TGM4: variants seen among roughly 807,000 people sequenced by gnomAD.
The protein encoded by TGM4 is transglutaminase 4.
TGM4 carries 61 observed loss-of-function variants against 76.3 expected under a neutral mutation model. That is an observed-to-expected ratio of 0.80 (90% CI 0.65 to 0.99). TGM4 has a LOEUF of 0.99. Ranked by LOEUF, TGM4 falls within the 50% of genes least tolerant of loss-of-function variation. The probability of loss-of-function intolerance (pLI) is 0.00; values close to 1 mark genes in which losing one functional copy is unlikely to be tolerated. For synonymous variants in TGM4, 337 were observed against 329.8 expected (o/e 1.02, Z -0.24); for missense variants, 794 against 843.2 (o/e 0.94, Z 0.72).
At chr3:44,885,836 G>A (rs1424095503) in intron 2 of TGM4, among the ~76,000 whole-genome samples, 2 of 152,162 alleles carry the variant, frequency 1.3e-5, no homozygotes, top group Non-Finnish European at 2.9e-5. Context: ...ATGCCATAGC[G>A]GGGTGGGCTG....
At chr3:44,889,757 TG>T (rs1256844316) in intron 3 of TGM4, among the ~76,000 whole-genome samples, 1 of 152,226 alleles carries the variant, frequency 6.6e-6, no homozygotes, top group Non-Finnish European at 1.5e-5. Flanking sequence ...AATGGCCTTC[TG>T]GGACTCTGGC....
At position 44,907,133 on chromosome 3, in the gene TGM4, C is replaced by A. The variant is rs1275478882; in HGVS notation, c.1260C>A (p.Asn420Lys). 8 of 1,614,050 alleles carry A rather than the reference C, an allele frequency of 5.0e-6. 1 individual carries two copies. In the South Asian group the frequency reaches 8.8e-5, roughly 18 times the overall value. Reference sequence around the variant, plus strand: ...TGGAGACCACAAGCATCGGGAAAAACATCAGCACCAAGGCAGTGGGCCAAG... The same window carrying A: ...TGGAGACCACAAGCATCGGGAAAAAAATCAGCACCAAGGCAGTGGGCCAAG... ...ISMETTSIGK[N>K]ISTKAVGQDR... The change falls in exon 10 of 14, where the codon AAC becomes AAA. Residue 420 changes from asparagine (N) to lysine (K), a missense_variant. By Grantham distance (94) the Asn-to-Lys change is moderately conservative. Transcript: ENST00000296125.
At chr3:44,878,611 T>A (rs1472037081) in intron 1 of TGM4, among the ~76,000 whole-genome samples, 1 of 151,930 alleles carries the variant, frequency 6.6e-6, no homozygotes, top group African/African-American at 2.4e-5. Flanking sequence ...GCCTCCTGAA[T>A]AGCTGGGATT....
intron 1 of TGM4, among the ~76,000 whole-genome samples, chr3:44,875,740 A>G (rs547746111): frequency 1.9e-4 from 29 of 151,522 alleles, no homozygotes; most frequent in Non-Finnish European, 2.9e-4. Context: ...GAAACTCTGC[A>G]AAGGGACTAA....
intron 6 of TGM4, among the ~76,000 whole-genome samples, chr3:44,897,820 C>T (rs373327523): frequency 6.6e-5 from 10 of 152,074 alleles, no homozygotes; most frequent in South Asian, 2.1e-4. Flanking sequence ...CTATGTTTTT[C>T]GAAGCATAAA....
At position 44,902,191 on chromosome 3, in the gene TGM4, C is replaced by T. The variant is rs1224098549; in HGVS notation, c.971+260C>T. On this transcript the variant is annotated intron_variant, in intron 8 of 13. Transcript: ENST00000296125. ...CTGCTGAGCTGTGGGGCCCCTTCAG[C>T]CTCCCTCAGAGACTGATTCAAGTTG... Among the ~76,000 whole-genome samples, 3 of 152,190 alleles carry T rather than the reference C, an allele frequency of 2.0e-5. No individual in the cohort carries two copies. The East Asian group carries it at 5.8e-4, about 29-fold the overall frequency.
At chr3:44,876,311 C>T (rs1699451449) in intron 1 of TGM4, 1 of 152,242 alleles carries the variant, frequency 6.6e-6, no homozygotes, top group South Asian at 2.1e-4. Flanking sequence ...CCTGAGGTGT[C>T]CTTTCTGATG....
At chr3:44,905,500 C>T (rs571590999) in intron 9 of TGM4, among the ~76,000 whole-genome samples, 7 of 152,302 alleles carry the variant, frequency 4.6e-5, no homozygotes, top group African/African-American at 1.7e-4. Context: ...TGAGCCTCAT[C>T]CCAAGGATAG....
chr3:44,902,104 C>T (rs555108731), intron 8 of TGM4, among the ~76,000 whole-genome samples, 173 bp downstream of exon 8: 19 of 152,264 alleles, frequency 1.2e-4, no homozygotes, highest in African/African-American at 2.2e-4. Context: ...AGCCACCATG[C>T]GTGGCATCCC....
chr3:44,900,000 A>G (rs1699830604), intron 6 of TGM4, among the ~76,000 whole-genome samples: 1 of 152,162 alleles, frequency 6.6e-6, no homozygotes, highest in African/African-American at 2.4e-5. Context: ...CACTGGGTCT[A>G]GGAGAGGGGA....
rs1699855879 is a variant in TGM4 at position 44,901,691 on chromosome 3, G to C, written c.825G>C (p.Leu275=). ...AGTGCTGGGTGTTTGCTGGGATCCTGACTACAGGTAAGTGGCAGATCCAGG... is the reference window on the plus strand; with the variant it reads ...AGTGCTGGGTGTTTGCTGGGATCCTCACTACAGGTAAGTGGCAGATCCAGG... ...FGQCWVFAGI[L]TTVLRALGIP... The change falls in exon 7 of 14, where the codon CTG becomes CTC. Residue 275 remains leucine (L), a synonymous_variant. Coordinates refer to ENST00000296125, the MANE Select transcript of TGM4 (RefSeq NM_003241.4). The C allele has an allele frequency of 3.7e-6, 6 of 1,613,844 alleles. No individual in the cohort carries two copies. Among genetic ancestry groups the C allele is most frequent in the Non-Finnish European group, 5.1e-6 (6 of 1,179,766 alleles).
At chr3:44,910,037 C>T in intron 10 of TGM4, 53 bp from the exon 11 acceptor site, 3 of 1,577,930 alleles carry the variant, frequency 1.9e-6, no homozygotes, top group South Asian at 2.4e-5. Context: ...GTGGTTGGGA[C>T]ATTTGGTCCT....
intron 5 of TGM4, among the ~76,000 whole-genome samples, chr3:44,895,048 C>T (rs773392949): frequency 6.6e-6 from 1 of 152,136 alleles, no homozygotes; most frequent in Admixed American, 6.5e-5. Context: ...GTAATCCCAG[C>T]ACTTTGGGAG....
intron 3 of TGM4, 130 bp from the exon 4 acceptor site, chr3:44,890,473 A>G: frequency 7.4e-7 from 1 of 1,358,052 alleles, no homozygotes. Context: ...GGTCCTGACC[A>G]TTCCTTGTCT....
chr3:44,880,452 G>A (rs1161724748), intron 1 of TGM4, among the ~76,000 whole-genome samples: 6 of 152,182 alleles, frequency 3.9e-5, no homozygotes, highest in Admixed American at 3.9e-4. Context: ...TTCTGCAGGG[G>A]CTGTGCTCCC....
At chr3:44,896,093 C>CATTT (rs1252387102) in intron 5 of TGM4, among the ~76,000 whole-genome samples, 2 of 151,816 alleles carry the variant, frequency 1.3e-5, no homozygotes, top group South Asian at 2.1e-4. Context: ...TTCATTTATT[C>CATTT]ATTTATTTAT....
At chr3:44,904,074 G>A (rs1699890716) in intron 9 of TGM4, 87 bp downstream of exon 9, 1 of 1,190,030 alleles carries the variant, frequency 8.4e-7, no homozygotes, top group East Asian at 2.4e-5. Flanking sequence ...ATGCAGCCAA[G>A]CAGGTGGGGA....
At chr3:44,880,278 AAAG>A (rs769467706) in intron 1 of TGM4, among the ~76,000 whole-genome samples, 24 of 152,384 alleles carry the variant, frequency 1.6e-4, no homozygotes, top group Middle Eastern at 3.4e-3. Flanking sequence ...GAATTACTCC[AAAG>A]AAGATTGGCG....
In TGM4 at chr3:44,901,775, C is replaced by T. The variant is rs751232950; in HGVS notation, c.833-18C>T. ...CAGCCCCCACAGTTGCCAACCACCC[C>T]ACCCTGGATCATTTCAGTGCTGAGA... On this transcript the variant is annotated intron_variant, in intron 7 of 13. Coordinates refer to ENST00000296125, the MANE Select transcript of TGM4 (RefSeq NM_003241.4). 6.2e-7 allele frequency: 1 copy of T among 1,613,820 alleles called. No individual in the cohort carries two copies. The highest frequency in any genetic ancestry group is 1.1e-5 in the South Asian group (1 of 91,048).
Sources: gnomAD v4.1 joint callset for allele counts (sites outside exome capture counted in the v4.1 genomes callset) on GRCh38, gnomAD v4.1.1 for gene constraint, MANE v1.5 for transcripts, NCBI Gene and HGNC (gene_info 2026-07-23, HGNC 2026-07-21) for gene names.